Variants in CSMD1 observed in about 807,000 individuals in gnomAD.
The protein encoded by CSMD1 is CUB and Sushi multiple domains 1.
In CSMD1, 213 loss-of-function variants were observed where a neutral mutation model predicts 417.5. The ratio of observed to expected loss-of-function variants is 0.51; its 90% CI spans 0.46 to 0.57. The LOEUF (loss-of-function observed/expected upper bound fraction) is 0.57, where lower values mean the gene tolerates loss of function less well. Among genes scored for constraint, CSMD1 ranks in the 20% least tolerant of loss-of-function variants. CSMD1 has a pLI of 0.00. For missense variants in CSMD1, 6,923 were observed against 4,529.7 expected, an observed-to-expected ratio of 1.53 and a Z score of -15.17; for synonymous variants, 2,862 against 1,736.8, an observed-to-expected ratio of 1.65 and a Z score of -16.11.
chr8:4,317,118 C>T (rs557901702), intron 3 of CSMD1, among the ~76,000 whole-genome samples: 3 of 152,166 alleles, frequency 2.0e-5, no homozygotes, highest in Non-Finnish European at 1.5e-5. Flanking sequence ...ACTGGCCAAG[C>T]ACATCATCAT....
chr8:4,050,673 T>TA (rs1268307446), intron 3 of CSMD1, among the ~76,000 whole-genome samples: 2 of 152,056 alleles, frequency 1.3e-5, no homozygotes, highest in African/African-American at 4.8e-5. Flanking sequence ...TTTGGACCCA[T>TA]TACACATCCC....
chr8:3,384,083 G>A (rs1451194090), intron 18 of CSMD1, among the ~76,000 whole-genome samples: 1 of 152,118 alleles, frequency 6.6e-6, no homozygotes, highest in African/African-American at 2.4e-5. Flanking sequence ...GAAGTGTGGA[G>A]TCCTGGAAAA....
At chr8:4,526,609 C>T (rs1796525863) in intron 2 of CSMD1, among the ~76,000 whole-genome samples, 1 of 152,216 alleles carries the variant, frequency 6.6e-6, no homozygotes, top group African/African-American at 2.4e-5. Context: ...GTCTCTTTCA[C>T]CAACTTGACA....
intron 4 of CSMD1, among the ~76,000 whole-genome samples, chr8:4,003,621 T>C (rs1246386625): frequency 6.6e-6 from 1 of 152,174 alleles, no homozygotes; most frequent in Non-Finnish European, 1.5e-5. Context: ...CTAATATACA[T>C]TAAAAAGATA....
chr8:3,662,395 G>A (rs1798464847), intron 7 of CSMD1, among the ~76,000 whole-genome samples: 2 of 152,130 alleles, frequency 1.3e-5, no homozygotes, highest in South Asian at 4.1e-4. Flanking sequence ...TTAAATATAT[G>A]AATGTCAAGA....
At chr8:4,788,075 A>T in intron 1 of CSMD1, 1 of 1,600,910 alleles carries the variant, frequency 6.2e-7, no homozygotes, top group Non-Finnish European at 8.5e-7. Flanking sequence ...TTGCAGAGAA[A>T]GTAGAGTTGC....
intron 3 of CSMD1, among the ~76,000 whole-genome samples, chr8:4,300,569 A>C (rs951620927): frequency 3.3e-5 from 5 of 152,164 alleles, no homozygotes; most frequent in African/African-American, 1.2e-4. Context: ...GTTTTAGGGT[A>C]CATGTGCACA....
chr8:4,757,206 G>A (rs569553260), intron 1 of CSMD1, among the ~76,000 whole-genome samples: 1 of 152,266 alleles, frequency 6.6e-6, no homozygotes, highest in African/African-American at 2.4e-5. Flanking sequence ...TAGTTTAGCT[G>A]TTTTACTTCA....
intron 31 of CSMD1, among the ~76,000 whole-genome samples, chr8:3,204,578 G>A (rs1030593801): frequency 2.6e-5 from 4 of 152,110 alleles, no homozygotes; most frequent in African/African-American, 7.2e-5. Context: ...ACATTCGTAA[G>A]AGGCCCGGGA....
intron 5 of CSMD1, among the ~76,000 whole-genome samples, chr8:3,913,464 G>A (rs1228836534): frequency 6.6e-6 from 1 of 152,164 alleles, no homozygotes; most frequent in South Asian, 2.1e-4. Flanking sequence ...CTCCAGACTG[G>A]AAGAAGCAAG....
intron 2 of CSMD1, among the ~76,000 whole-genome samples, chr8:4,457,072 G>A (rs1363445196): frequency 6.6e-6 from 1 of 151,686 alleles, no homozygotes; most frequent in Non-Finnish European, 1.5e-5. Flanking sequence ...CATACCAGGT[G>A]TGTCTGGCAC....
chr8:4,898,909 A>G (rs186633185), intron 1 of CSMD1, among the ~76,000 whole-genome samples: 167 of 152,316 alleles, frequency 1.1e-3, no homozygotes, highest in African/African-American at 3.9e-3. Flanking sequence ...TCGTTTAATA[A>G]GATTAGATTT....
In CSMD1 at chr8:4,994,532, C is replaced by A; in HGVS notation, c.-116G>T. The A allele has an allele frequency of 1.1e-6, 1 of 910,164 alleles. No individual in the cohort carries two copies. The highest frequency in any genetic ancestry group is 1.5e-5 in the South Asian group (1 of 65,030). 56.4% of individuals were successfully genotyped at this position (910,164 alleles called of 1,614,324 possible). On this transcript the variant is annotated 5_prime_UTR_variant, in exon 1 of 70. The change creates a premature stop within an existing upstream ORF in the 5' untranslated region. Coordinates refer to ENST00000635120, the MANE Select transcript of CSMD1 (RefSeq NM_033225.6). ...GGCGAGCCGGAGAGAGAGCCCGGTCCCAAGACCCGCCGCGCATCCGACGCC... is the reference window on the plus strand; with the variant it reads ...GGCGAGCCGGAGAGAGAGCCCGGTCACAAGACCCGCCGCGCATCCGACGCC...
chr8:3,936,629 T>A (rs34354725), intron 5 of CSMD1, among the ~76,000 whole-genome samples: 39,107 of 151,984 alleles, frequency 0.26, 4,972 homozygotes, highest in Non-Finnish European at 0.27. Context: ...GACGTACTGC[T>A]CAGAAAAAGA....
At chr8:4,899,785 G>C (rs1484643478) in intron 1 of CSMD1, among the ~76,000 whole-genome samples, 1 of 152,100 alleles carries the variant, frequency 6.6e-6, no homozygotes, top group Non-Finnish European at 1.5e-5. Context: ...TCTTCCAAGA[G>C]GATACAAGCA....
intron 26 of CSMD1, among the ~76,000 whole-genome samples, chr8:3,258,849 C>G (rs952673699): frequency 6.6e-6 from 1 of 152,130 alleles, no homozygotes; most frequent in South Asian, 2.1e-4. Context: ...GAAGAGAAAA[C>G]CAAATACTGC....
chr8:4,631,152 G>A (rs1353845625), intron 2 of CSMD1, among the ~76,000 whole-genome samples: 1 of 152,098 alleles, frequency 6.6e-6, no homozygotes, highest in African/African-American at 2.4e-5. Flanking sequence ...CACGAGGTCA[G>A]GAGTTCTAGA....
In CSMD1 at chr8:3,796,432, A is replaced by C. The variant is rs1288198879; in HGVS notation, c.819-42390T>G. On this transcript the variant is annotated intron_variant, in intron 5 of 69. Transcript: ENST00000635120. ...ATATATATCTATCATGTATAGATAT[A>C]TATATCTATCGTGTATAGATATAGA... Among the ~76,000 whole-genome samples the C allele has an allele frequency of 6.9e-4, 81 of 116,692 alleles. 17 individuals are homozygous for C. The highest frequency in any genetic ancestry group is 9.3e-4 in the Non-Finnish European group (50 of 53,854). 76.6% of individuals were successfully genotyped at this position (116,692 alleles called of 152,430 possible).
At chr8:4,925,544 TTTTC>T (rs1806799454) in intron 1 of CSMD1, among the ~76,000 whole-genome samples, 1 of 147,692 alleles carries the variant, frequency 6.8e-6, no homozygotes, top group Non-Finnish European at 1.5e-5. Context: ...TTTCTTTTTT[TTTTC>T]TTTTTTCTTT....
Sources: gnomAD v4.1 joint callset for allele counts (sites outside exome capture counted in the v4.1 genomes callset) on GRCh38, gnomAD v4.1.1 for gene constraint, MANE v1.5 for transcripts, NCBI Gene and HGNC (gene_info 2026-07-23, HGNC 2026-07-21) for gene names.